Variants in CNTNAP2 observed in about 807,000 individuals in gnomAD.
CNTNAP2 encodes contactin associated protein 2.
In CNTNAP2, 98 loss-of-function variants were observed where a neutral mutation model predicts 155.2. The ratio of observed to expected loss-of-function variants is 0.63; its 90% CI spans 0.54 to 0.75. CNTNAP2 has a LOEUF of 0.75. Among genes scored for constraint, CNTNAP2 ranks in the 30% least tolerant of loss-of-function variants. The pLI is 0.00. For synonymous variants in CNTNAP2, 651 were observed against 631.2 expected, an observed-to-expected ratio of 1.03 and a Z score of -0.47; for missense variants, 1,727 against 1,688.1, an observed-to-expected ratio of 1.02 and a Z score of -0.40.
At chr7:147,548,872 C>G (rs1799794076) in intron 11 of CNTNAP2, among the ~76,000 whole-genome samples, 1 of 152,156 alleles carries the variant, frequency 6.6e-6, no homozygotes, top group African/African-American at 2.4e-5. Context: ...GATCGTTTCC[C>G]CATTGCTTGT....
chr7:146,552,025 T>TA (rs1283307539), intron 1 of CNTNAP2, among the ~76,000 whole-genome samples: 2 of 152,034 alleles, frequency 1.3e-5, no homozygotes, highest in Non-Finnish European at 2.9e-5. Context: ...TGGAAATAGA[T>TA]AAAAAATGCA....
intron 21 of CNTNAP2, among the ~76,000 whole-genome samples, chr7:148,327,077 G>A (rs1485312064): frequency 3.3e-5 from 5 of 152,218 alleles, no homozygotes; most frequent in East Asian, 1.9e-4. Context: ...TCTTGTGGAC[G>A]TTGCTGCATC....
chr7:148,264,574 T>G (rs1315986920), intron 20 of CNTNAP2, among the ~76,000 whole-genome samples: 1 of 152,238 alleles, frequency 6.6e-6, no homozygotes, highest in East Asian at 1.9e-4. Flanking sequence ...AAATTAACAT[T>G]TATTATTAGC....
intron 12 of CNTNAP2, among the ~76,000 whole-genome samples, chr7:147,580,355 A>G (rs1362305902): frequency 5.9e-5 from 9 of 152,180 alleles, no homozygotes; most frequent in Non-Finnish European, 8.8e-5. Context: ...CCTAAGTTTC[A>G]GGTAATGGCT....
intron 12 of CNTNAP2, among the ~76,000 whole-genome samples, chr7:147,615,899 C>T (rs12668061): frequency 0.17 from 26,446 of 152,054 alleles, 2,579 homozygotes; most frequent in East Asian, 0.34. Flanking sequence ...TGAAACTGAT[C>T]ATGTGGCTTT....
intron 9 of CNTNAP2, among the ~76,000 whole-genome samples, chr7:147,353,196 C>T (rs574594331): frequency 2.7e-5 from 4 of 150,792 alleles, no homozygotes; most frequent in African/African-American, 7.4e-5. Context: ...ATGTTCAGAA[C>T]GTGCAGTTTT....
chr7:146,929,186 C>A (rs566387695), intron 3 of CNTNAP2, among the ~76,000 whole-genome samples: 2 of 152,322 alleles, frequency 1.3e-5, no homozygotes, highest in African/African-American at 2.4e-5. Flanking sequence ...GGGAGGCACC[C>A]CCCAGTAGGG....
At chr7:146,210,188 G>A (rs1281194076) in intron 1 of CNTNAP2, among the ~76,000 whole-genome samples, 1 of 152,068 alleles carries the variant, frequency 6.6e-6, no homozygotes, top group Non-Finnish European at 1.5e-5. Context: ...TTCAAAAGGT[G>A]CCCTGAAATT....
chr7:147,277,013 G>A (rs1025684399), intron 8 of CNTNAP2, among the ~76,000 whole-genome samples: 5 of 151,970 alleles, frequency 3.3e-5, no homozygotes, highest in Admixed American at 6.6e-5. Flanking sequence ...GACTGACAAA[G>A]CCACGGTGCC....
intron 1 of CNTNAP2, among the ~76,000 whole-genome samples, chr7:146,704,626 T>A (rs1394139353): frequency 2.6e-5 from 4 of 152,114 alleles, no homozygotes; most frequent in Non-Finnish European, 4.4e-5. Flanking sequence ...GCCAATAAGA[T>A]TAGAAAATAC....
At chr7:147,057,842 G>A (rs906874118) in intron 4 of CNTNAP2, among the ~76,000 whole-genome samples, 7 of 152,086 alleles carry the variant, frequency 4.6e-5, no homozygotes, top group South Asian at 2.1e-4. Flanking sequence ...CAGAAAGCAC[G>A]TACTGCATGC....
chr7:147,955,315 G>T (rs948411288), intron 14 of CNTNAP2, among the ~76,000 whole-genome samples: 4 of 151,990 alleles, frequency 2.6e-5, no homozygotes, highest in Non-Finnish European at 5.9e-5. Context: ...TAAGACAAAT[G>T]ATATACTTTA....
At chr7:146,911,819 A>G (rs1234105818) in intron 3 of CNTNAP2, among the ~76,000 whole-genome samples, 1 of 151,576 alleles carries the variant, frequency 6.6e-6, no homozygotes, top group African/African-American at 2.4e-5. Flanking sequence ...TAAAAAAAAT[A>G]AATAATAAAA....
At chr7:147,227,803 G>A (rs1803583472) in intron 8 of CNTNAP2, among the ~76,000 whole-genome samples, 1 of 152,108 alleles carries the variant, frequency 6.6e-6, no homozygotes, top group African/African-American at 2.4e-5. Context: ...TAGAAATCTG[G>A]AATTCAGGGG....
At chr7:148,157,547 C>T (rs548171365) in intron 17 of CNTNAP2, among the ~76,000 whole-genome samples, 1 of 125,752 alleles carries the variant, frequency 8.0e-6, no homozygotes, top group Admixed American at 9.3e-5. Context: ...AGACTGAAAT[C>T]AAGCATGACA....
At position 148,368,726 on chromosome 7, in the gene CNTNAP2, A is replaced by G. The variant is rs1363159376; in HGVS notation, c.3476-14923A>G. ...TTCCTGTCCCTTTTAAGGGCTCACAACTCTAAGGGGGTTCCGTGTGAGAGG... is the reference window on the plus strand; with the variant it reads ...TTCCTGTCCCTTTTAAGGGCTCACAGCTCTAAGGGGGTTCCGTGTGAGAGG... On this transcript the variant is annotated intron_variant, in intron 21 of 23. Coordinates refer to ENST00000361727, the MANE Select transcript of CNTNAP2 (RefSeq NM_014141.6). Among the ~76,000 whole-genome samples the G allele has an allele frequency of 3.3e-5, 5 of 152,022 alleles. 1 individual carries two copies. The highest frequency in any genetic ancestry group is 7.2e-5 in the African/African-American group (3 of 41,382).
At chr7:147,081,201 T>C (rs561354226) in intron 4 of CNTNAP2, 1 of 152,194 alleles carries the variant, frequency 6.6e-6, no homozygotes, top group South Asian at 2.1e-4. Context: ...TTTGAAAGAA[T>C]GATTGTGAAT....
intron 9 of CNTNAP2, among the ~76,000 whole-genome samples, chr7:147,324,043 A>AG (rs1795404950): frequency 6.6e-6 from 1 of 151,904 alleles, no homozygotes; most frequent in African/African-American, 2.4e-5. Flanking sequence ...TATTAGGAAA[A>AG]AAAAAAGAAA....
chr7:147,462,599 G>A (rs1415893112), intron 10 of CNTNAP2, among the ~76,000 whole-genome samples: 1 of 152,122 alleles, frequency 6.6e-6, no homozygotes, highest in African/African-American at 2.4e-5. Flanking sequence ...ATTGACGTTG[G>A]GACATAAACA....
Sources: allele counts gnomAD v4.1 joint callset (sites outside exome capture counted in the v4.1 genomes callset), GRCh38; gene constraint gnomAD v4.1.1; transcripts MANE v1.5; gene names NCBI Gene and HGNC (gene_info 2026-07-23, HGNC 2026-07-21).